Variants in SMYD4 observed in about 807,000 individuals in gnomAD.
SMYD4 encodes the protein protein-lysine N-methyltransferase SMYD4.
In SMYD4, 68 loss-of-function variants were observed where a neutral mutation model predicts 72.8. That is an observed-to-expected ratio of 0.93 (90% confidence interval 0.77 to 1.14). The LOEUF is 1.14. Ranked by LOEUF, SMYD4 falls within the 50% of genes most tolerant of loss-of-function variation. The pLI, the probability that SMYD4 is intolerant of heterozygous loss-of-function variation, is 0.00. For missense variants in SMYD4, 984 were observed against 1,003.7 expected, an observed-to-expected ratio of 0.98 and a Z score of 0.27; for synonymous variants, 407 against 388.6, an observed-to-expected ratio of 1.05 and a Z score of -0.56.
At chr17:1,813,092 C>A (rs369838303) in intron 2 of SMYD4, among the ~76,000 whole-genome samples, 2 of 152,182 alleles carry the variant, frequency 1.3e-5, no homozygotes, top group African/African-American at 4.8e-5. Flanking sequence ...GCATGCACCA[C>A]CACGTTCAGC....
chr17:1,781,653 G>C, intron 10 of SMYD4: 1 of 339,008 alleles, frequency 2.9e-6, no homozygotes, highest in Non-Finnish European at 5.2e-6. Context: ...AGGATCCTGA[G>C]AACACGAGGC....
At chr17:1,794,019 A>ATGTGTG (rs1555575666) in intron 5 of SMYD4, among the ~76,000 whole-genome samples, 2 of 68,302 alleles carry the variant, frequency 2.9e-5, no homozygotes, top group African/African-American at 1.0e-4. Flanking sequence ...ATATATATAT[A>ATGTGTG]TGTGTGTATA....
chr17:1,812,471 T>A (rs1447369825), intron 2 of SMYD4, among the ~76,000 whole-genome samples: 1 of 151,952 alleles, frequency 6.6e-6, no homozygotes, highest in African/African-American at 2.4e-5. Flanking sequence ...GTTTGTACTT[T>A]TAGTAGAGGT....
chr17:1,794,081 GTA>G (rs1226883815), intron 5 of SMYD4, among the ~76,000 whole-genome samples: 293 of 17,112 alleles, frequency 0.017, 20 homozygotes, highest in African/African-American at 0.043. Flanking sequence ...ATATATATGT[GTA>G]TATATATATA....
At chr17:1,784,685 T>C (rs1336486932) in intron 7 of SMYD4, 3 of 546,436 alleles carry the variant, frequency 5.5e-6, no homozygotes, top group Non-Finnish European at 7.0e-6. Context: ...GAGATTTCAT[T>C]TTTGGAACAG....
chr17:1,804,174 C>G (rs990278297), intron 4 of SMYD4, among the ~76,000 whole-genome samples: 2 of 150,756 alleles, frequency 1.3e-5, no homozygotes, highest in South Asian at 4.2e-4. Context: ...TGTGCCTGGC[C>G]TAGTACATTT....
chr17:1,805,058 A>G (rs1909964635), intron 3 of SMYD4, among the ~76,000 whole-genome samples: 2 of 152,202 alleles, frequency 1.3e-5, no homozygotes, highest in Non-Finnish European at 2.9e-5. Context: ...AGAAACACAA[A>G]TAGTTATAGA....
In SMYD4 at chr17:1,800,546, C is replaced by T. The variant is rs542550896; in HGVS notation, c.848G>A (p.Ser283Asn). 28 of 1,614,186 alleles carry T rather than the reference C, an allele frequency of 1.7e-5. No individual in the cohort carries two copies. The highest frequency in any genetic ancestry group is 6.7e-5 in the Admixed American group (4 of 60,010). Residue 283 changes from serine to asparagine, a missense_variant, in exon 5 of 11, where the codon AGC (serine) becomes AAC (asparagine). Ser to Asn is a conservative substitution (Grantham distance 46, BLOSUM62 1). Coordinates refer to ENST00000305513, the MANE Select transcript of SMYD4 (RefSeq NM_052928.3). ...ATTGGTGACTCTGGTGTCCCATTTG[C>T]TGTCTAGGCCGTGATGCGGTGGTGG... The part of the protein sequence containing the change: ...ELPPPHHGLD[S>N]KWDTRVTNGD...
intron 2 of SMYD4, among the ~76,000 whole-genome samples, chr17:1,826,086 A>C (rs1167432507): frequency 6.6e-6 from 1 of 152,222 alleles, no homozygotes; most frequent in African/African-American, 2.4e-5. Flanking sequence ...TTACATAGCA[A>C]AGAACTATAC....
intron 5 of SMYD4, among the ~76,000 whole-genome samples, chr17:1,797,084 C>G (rs1909445816): frequency 6.6e-6 from 1 of 152,126 alleles, no homozygotes; most frequent in South Asian, 2.1e-4. Context: ...TACTGAGATA[C>G]CTATATACCA....
At chr17:1,827,619 C>G (rs534808821) in intron 2 of SMYD4, among the ~76,000 whole-genome samples, 1 of 152,190 alleles carries the variant, frequency 6.6e-6, no homozygotes, top group African/African-American at 2.4e-5. Context: ...AGGAAAAGTA[C>G]TTCAGGCATT....
chr17:1,788,659 C>T (rs34589281), intron 5 of SMYD4, among the ~76,000 whole-genome samples: 41,830 of 151,786 alleles, frequency 0.28, 6,920 homozygotes, highest in Non-Finnish European at 0.38. Flanking sequence ...GCAGGAGAAT[C>T]GCTTGAACCC....
At chr17:1,804,985 C>T (rs1360591117) in intron 3 of SMYD4, among the ~76,000 whole-genome samples, 1 of 152,114 alleles carries the variant, frequency 6.6e-6, no homozygotes, top group Non-Finnish European at 1.5e-5. Flanking sequence ...TACCTGCAAG[C>T]ATAATATCCT....
At chr17:1,794,998 CA>C (rs1474060479) in intron 5 of SMYD4, among the ~76,000 whole-genome samples, 38 of 152,208 alleles carry the variant, frequency 2.5e-4, no homozygotes, top group African/African-American at 8.7e-4. Flanking sequence ...ATTATTCCTT[CA>C]ATAAACTGCT....
intron 5 of SMYD4, among the ~76,000 whole-genome samples, chr17:1,787,996 G>A (rs533021473): frequency 6.6e-5 from 10 of 152,298 alleles, no homozygotes; most frequent in Non-Finnish European, 1.3e-4. Flanking sequence ...TAGAGCCCAA[G>A]GGCTTTTGTT....
chr17:1,782,122 G>C (rs1460955911), intron 10 of SMYD4: 1 of 152,166 alleles, frequency 6.6e-6, no homozygotes, highest in Admixed American at 6.5e-5. Context: ...AGTGGATTTG[G>C]CATCAGCTCA....
At position 1,780,944 on chromosome 17, in the gene SMYD4, G is replaced by T; in HGVS notation, c.*342C>A. 1 of 153,320 alleles carries T rather than the reference G, an allele frequency of 6.5e-6. No homozygotes were observed. The highest frequency in any genetic ancestry group is 1.4e-5 in the Non-Finnish European group (1 of 72,032). The allele number at this position is 153,320 out of a possible 1,614,324, so 9.5% of individuals were successfully genotyped here. ...GCCTCTTATTTTTTTTTTTGAGATG[G>T]AGTCTCACACTGTCACCTGGGCTGG... On this transcript the variant is annotated 3_prime_UTR_variant, in exon 11 of 11. Transcript: ENST00000305513.
In SMYD4 at chr17:1,787,477, G is replaced by A. The variant is rs141477868; in HGVS notation, c.1665C>T (p.Ala555=). 3.2e-6 allele frequency: 5 copies of A among 1,569,224 alleles called. No individual in the cohort carries two copies. In the East Asian group the frequency reaches 1.2e-4, roughly 37 times the overall value. ...TAATCCGCTGTGACGCCCGGATGGT[G>A]GCGACAGTGCTAATGAAGGACACGC... The part of the protein sequence containing the change: ...NTSVSFISTV[A]TIRASQRIRK... Residue 555 remains alanine (A), a synonymous_variant, in exon 6 of 11, where the codon GCC becomes GCT. Coordinates refer to ENST00000305513, the MANE Select transcript of SMYD4 (RefSeq NM_052928.3).
Position 1,804,662 on chromosome 17 carries a change from G to A in SMYD4, c.333C>T (p.Asn111=), listed in dbSNP as rs749711341. 6.2e-7 allele frequency: 1 copy of A among 1,613,710 alleles called. No homozygotes were observed. The highest frequency in any genetic ancestry group is 1.1e-5 in the South Asian group (1 of 91,082). Residue 111 remains asparagine, a synonymous_variant, in exon 4 of 11, where the codon AAC becomes AAT. Transcript: ENST00000305513. ...NTEDMSLCHA[N]RSAALFHLGQ... is the part of the protein sequence containing the mutation. Reference sequence around the variant, plus strand: ...CCAGGTGGAAGAGGGCTGCCGAGCGGTTAGCATGACACAGTGACATGTCCT... The same window carrying A: ...CCAGGTGGAAGAGGGCTGCCGAGCGATTAGCATGACACAGTGACATGTCCT...
Sources: gnomAD v4.1 joint callset for allele counts (sites outside exome capture counted in the v4.1 genomes callset) on GRCh38, gnomAD v4.1.1 for gene constraint, MANE v1.5 for transcripts, NCBI Gene and HGNC (gene_info 2026-07-23, HGNC 2026-07-21) for gene names.